UTRN: variants seen among roughly 807,000 people sequenced by gnomAD.
UTRN encodes the protein dystrophin-related protein 1.
In UTRN, 283 loss-of-function variants were observed where a neutral mutation model predicts 463.9. That is an observed-to-expected ratio of 0.61 (90% CI 0.55 to 0.67). The LOEUF (loss-of-function observed/expected upper bound fraction) is 0.67. Ranked by LOEUF, UTRN falls within the 30% of genes least tolerant of loss-of-function variation. The probability of loss-of-function intolerance (pLI) is 0.00; values close to 1 mark genes in which losing one functional copy is unlikely to be tolerated. For missense variants in UTRN, 3,922 were observed against 4,084.3 expected (o/e 0.96, Z 1.08); for synonymous variants, 1,442 against 1,431.5 (o/e 1.01, Z -0.17).
rs576303178 is a variant in UTRN at position 144,450,328 on chromosome 6, G to A, written c.2073-1042G>A. On this transcript the variant is annotated intron_variant, in intron 17 of 74. Transcript: ENST00000367545. The stretch of plus-strand genomic sequence containing the variant: ...GGTCCATGTGATTCTTGGCCACATC[G>A]TCAATTGTCCCTCCCTTGTGAGTTC... Among the ~76,000 whole-genome samples, 9 of 152,258 alleles carry A rather than the reference G, an allele frequency of 5.9e-5. No individual in the cohort carries two copies. In the East Asian group the frequency reaches 1.2e-3, roughly 20 times the overall value.
At chr6:144,362,950 A>G (rs1314479220) in intron 2 of UTRN, among the ~76,000 whole-genome samples, 1 of 152,170 alleles carries the variant, frequency 6.6e-6, no homozygotes, top group East Asian at 1.9e-4. Flanking sequence ...TTAAGTGCTC[A>G]GTTTCTCTTA....
intron 47 of UTRN, among the ~76,000 whole-genome samples, chr6:144,549,965 A>G (rs946904686): frequency 6.6e-6 from 1 of 152,216 alleles, no homozygotes; most frequent in African/African-American, 2.4e-5. Context: ...TGTGTTTATG[A>G]ACTCATGATA....
intron 51 of UTRN, among the ~76,000 whole-genome samples, chr6:144,619,603 G>C (rs1166965416): frequency 3.3e-5 from 5 of 152,136 alleles, no homozygotes; most frequent in African/African-American, 7.2e-5. Context: ...TTTATTTCTG[G>C]AGATGTACAT....
intron 2 of UTRN, among the ~76,000 whole-genome samples, chr6:144,334,566 C>T (rs1438399781): frequency 2.0e-5 from 3 of 152,234 alleles, no homozygotes; most frequent in East Asian, 1.9e-4. Flanking sequence ...CAGCTGCTGC[C>T]GCCACCTGAT....
intron 60 of UTRN, 106 bp downstream of exon 60, chr6:144,774,470 G>A: frequency 1.0e-6 from 1 of 976,756 alleles, no homozygotes; most frequent in Non-Finnish European, 1.5e-6. Flanking sequence ...AAGTTAATCT[G>A]GTCTTCAGTG....
intron 23 of UTRN, 71 bp downstream of exon 23, chr6:144,462,937 T>A: frequency 1.1e-5 from 13 of 1,187,520 alleles, no homozygotes; most frequent in Non-Finnish European, 1.6e-5. Context: ...AAGATTCACG[T>A]ATTTATTATT....
At position 144,698,867 on chromosome 6, in the gene UTRN, C is replaced by G. The variant is rs76909120; in HGVS notation, c.7653-1220C>G. ...AATCTAAGAATCTGAAGGTGCATTT[C>G]TGTGTTAAATGCAGAAATTATTATT... On this transcript the variant is annotated intron_variant, in intron 52 of 74. Transcript: ENST00000367545. Among the ~76,000 whole-genome samples the G allele has an allele frequency of 4.7e-3, 716 of 152,324 alleles. 4 individuals carry two copies. Among genetic ancestry groups the G allele is most frequent in the African/African-American group, 0.017 (691 of 41,566 alleles).
intron 51 of UTRN, among the ~76,000 whole-genome samples, chr6:144,634,860 C>A (rs946324635): frequency 2.0e-5 from 3 of 152,140 alleles, no homozygotes; most frequent in African/African-American, 7.2e-5. Context: ...CCTTTCTCTT[C>A]ATTGATAAAT....
At chr6:144,708,194 T>A (rs1785288518) in intron 53 of UTRN, 1 of 569,122 alleles carries the variant, frequency 1.8e-6, no homozygotes, top group Non-Finnish European at 3.3e-6. Context: ...GCCAGTTATT[T>A]TTGAATTGCT....
rs191754590 is a variant in UTRN, at chr6:144,534,642, G to A, written c.6233+1382G>A. 3.9e-5 allele frequency among the ~76,000 whole-genome samples: 6 copies of A among 152,296 alleles called. No homozygotes were observed. In the East Asian group the frequency reaches 7.7e-4, roughly 20 times the overall value. On this transcript the variant is annotated intron_variant, in intron 43 of 74. Coordinates refer to ENST00000367545, the MANE Select transcript of UTRN (RefSeq NM_007124.3). Reference sequence around the variant, plus strand: ...AAGCATATTGCTGAATTTTGCCAATGATTGATTAATGACTTGATCGATATT... The same window carrying A: ...AAGCATATTGCTGAATTTTGCCAATAATTGATTAATGACTTGATCGATATT...
chr6:144,564,218 G>A (rs544613304), intron 50 of UTRN, among the ~76,000 whole-genome samples: 8 of 152,120 alleles, frequency 5.3e-5, no homozygotes, highest in Admixed American at 2.0e-4. Context: ...TGTTTTGGAG[G>A]TAAGAGAAAT....
intron 3 of UTRN, among the ~76,000 whole-genome samples, chr6:144,417,209 A>G (rs1231190363): frequency 6.6e-6 from 1 of 151,802 alleles, no homozygotes; most frequent in African/African-American, 2.4e-5. Context: ...TATCCCACCC[A>G]CTCCAGTGAT....
chr6:144,846,685 C>A, intron 73 of UTRN, 120 bp from the exon 74 acceptor site: 2 of 1,337,984 alleles, frequency 1.5e-6, no homozygotes, highest in Non-Finnish European at 2.1e-6. Context: ...ATCCATTTAA[C>A]AACTGGGCTA....
intron 51 of UTRN, among the ~76,000 whole-genome samples, chr6:144,618,064 A>G (rs1487710291): frequency 6.6e-6 from 1 of 152,232 alleles, no homozygotes; most frequent in East Asian, 1.9e-4. Context: ...AAGAGAATAC[A>G]TGTGAGTGTT....
rs190113949 is a variant in UTRN at position 144,474,785 on chromosome 6, C to T, written c.3336+26C>T. Reference sequence around the variant, plus strand: ...GTGAGTTTTTCAACTTTACTACCTACGGTTTTCAGGAGATGTAGACTGTAG... The same window carrying T: ...GTGAGTTTTTCAACTTTACTACCTATGGTTTTCAGGAGATGTAGACTGTAG... On this transcript the variant is annotated intron_variant, in intron 25 of 74. Transcript: ENST00000367545. 59 of 1,606,774 alleles carry T rather than the reference C, an allele frequency of 3.7e-5. 1 individual carries two copies. The highest frequency in any genetic ancestry group is 1.7e-4 in the African/African-American group (13 of 74,604).
At chr6:144,643,183 C>G (rs192005981) in intron 51 of UTRN, among the ~76,000 whole-genome samples, 2 of 152,170 alleles carry the variant, frequency 1.3e-5, no homozygotes, top group Non-Finnish European at 2.9e-5. Flanking sequence ...GCTCATGTCT[C>G]TATCAGAAAA....
intron 64 of UTRN, among the ~76,000 whole-genome samples, chr6:144,800,760 T>A (rs1349168400): frequency 6.7e-6 from 1 of 149,712 alleles, no homozygotes; most frequent in Non-Finnish European, 1.5e-5. Context: ...ATTAGTGTGA[T>A]AGTAGCTAAA....
chr6:144,734,737 C>T (rs906947482), intron 54 of UTRN, among the ~76,000 whole-genome samples: 2 of 152,196 alleles, frequency 1.3e-5, no homozygotes, highest in Non-Finnish European at 2.9e-5. Flanking sequence ...TCCTTCAACT[C>T]ATCTGCCTGC....
intron 27 of UTRN, 43 bp from the exon 28 acceptor site, chr6:144,485,342 G>A (rs747534107): frequency 3.1e-6 from 5 of 1,612,438 alleles, no homozygotes; most frequent in Non-Finnish European, 4.2e-6. Flanking sequence ...GATACGATGT[G>A]TGAAATGGCT....
Sources: allele counts gnomAD v4.1 joint callset (sites outside exome capture counted in the v4.1 genomes callset), GRCh38; gene constraint gnomAD v4.1.1; transcripts MANE v1.5; gene names NCBI Gene and HGNC (gene_info 2026-07-23, HGNC 2026-07-21).